NT5DC4: variants seen among roughly 807,000 people sequenced by gnomAD.
NT5DC4 encodes 5'-nucleotidase domain containing 4, also known as 5'-nucleotidase domain-containing protein 4.
In NT5DC4, 44 loss-of-function variants were observed where a neutral mutation model predicts 26.6. That is an observed-to-expected ratio of 1.65 (90% CI 1.30 to 2.13). NT5DC4 has a LOEUF of 2.13. Ranked by LOEUF, NT5DC4 falls within the 30% of genes most tolerant of loss-of-function variation. NT5DC4 has a pLI of 0.00. For missense variants in NT5DC4, 399 were observed against 228.1 expected (o/e 1.75, Z -4.83); for synonymous variants, 157 against 86.7 (o/e 1.81, Z -4.51).
chr2:112,726,815 C>T (rs932369974), intron 15 of NT5DC4, 77 bp downstream of exon 15: 29 of 714,460 alleles, frequency 4.1e-5, no homozygotes, highest in Admixed American at 6.0e-5. Flanking sequence ...GCTTGCCTGT[C>T]GGCTTTGTCC....
upstream of NT5DC4, among the ~76,000 whole-genome samples, chr2:112,719,900 TTCTTTTTC>T (rs1227078217): frequency 2.0e-4 from 22 of 108,848 alleles, 1 homozygote; most frequent in Non-Finnish European, 2.8e-4. Flanking sequence ...CTTTCTTTCT[TTCTTTTTC>T]TTTCTTTCTT....
intron 16 of NT5DC4, among the ~76,000 whole-genome samples, chr2:112,735,150 TCTCCTG>T (rs1678963907): frequency 6.9e-6 from 1 of 144,272 alleles, no homozygotes; most frequent in Non-Finnish European, 1.5e-5. Context: ...TTCAAGCAGT[TCTCCTG>T]CCTCAGCCTC....
chr2:112,741,150 AGT>A (rs1411698315), downstream of NT5DC4: 2 of 655,750 alleles, frequency 3.0e-6, no homozygotes, highest in African/African-American at 1.8e-5. Flanking sequence ...ATTGATTTGA[AGT>A]GTGACTTATA....
chr2:112,725,550 A>G lies in NT5DC4; in HGVS notation c.1151A>G (p.Lys384Arg). The change falls in exon 13 of 17, where the codon AAG (lysine) becomes AGG (arginine). Residue 384 changes from lysine (K) to arginine (R), a missense_variant and splice_region_variant. Lys to Arg is a conservative substitution (Grantham distance 26). Transcript: ENST00000688554. ...SWELDIWAQE[K>R]ERLEELKRLD... ...GAGCTGGACATCTGGGCCCAGGAGA[A>G]GGGTGAGCTGTTGGGGTCTGGAACA... The G allele has an allele frequency of 1.4e-6, 1 of 705,024 alleles. No homozygotes were observed. The highest frequency in any genetic ancestry group is 2.7e-6 in the Non-Finnish European group (1 of 376,120). The allele number at this position is 705,024 out of a possible 1,614,324, so 43.7% of individuals were successfully genotyped here. A position where few individuals can be genotyped will look rare whatever the true frequency, so the allele number is the denominator to read the frequency against.
intron 16 of NT5DC4, chr2:112,738,683 A>G: frequency 1.6e-6 from 1 of 628,282 alleles, no homozygotes; most frequent in South Asian, 2.0e-5. Flanking sequence ...TTTGAGAGTA[A>G]GCCCAGTGAA....
chr2:112,726,097 G>T (rs1036748110), intron 13 of NT5DC4, 141 bp from the exon 14 acceptor site: 1 of 652,496 alleles, frequency 1.5e-6, no homozygotes, highest in Admixed American at 2.3e-5. Flanking sequence ...AGAGTCTCAC[G>T]TGATGTAAGG....
At chr2:112,742,263 A>G (rs1404026673), downstream of NT5DC4, 3 of 650,638 alleles carry the variant, frequency 4.6e-6, no homozygotes, top group Non-Finnish European at 8.5e-6. Context: ...AGTCTTCTAA[A>G]GGTTATGACC....
rs144087783 is a variant in NT5DC4 at position 112,735,869 on chromosome 2, C to G, written c.1345-3044C>G. ...TTTTGAAACTTATAATTATTAGACA[C>G]CAATAGTTCAACCTACACTGTTATT... On this transcript the variant is annotated intron_variant, in intron 16 of 16. Transcript: ENST00000688554. Among the ~76,000 whole-genome samples, 293 of 152,224 alleles carry G rather than the reference C, an allele frequency of 1.9e-3. 2 individuals carry two copies. The highest frequency in any genetic ancestry group is 6.8e-3 in the African/African-American group (281 of 41,526).
At chr2:112,719,928 T>TTC (rs1287713879), upstream of NT5DC4, among the ~76,000 whole-genome samples, 55 of 21,078 alleles carry the variant, frequency 2.6e-3, no homozygotes, top group Non-Finnish European at 3.6e-3. Flanking sequence ...TTCTTTCTCT[T>TTC]TCTTTCTTTC....
chr2:112,724,883 A>G lies in NT5DC4; in HGVS notation c.892A>G (p.Asn298Asp), dbSNP rs1316529619. The G allele has an allele frequency of 2.9e-5, 21 of 717,034 alleles. No homozygotes were observed. The highest frequency in any genetic ancestry group is 4.9e-5 in the Non-Finnish European group (19 of 385,034). The allele number at this position is 717,034 out of a possible 1,614,324, so 44.4% of individuals were successfully genotyped here. ...AGAGGGGTTGGTCCTGAGGCAGGTC[A>G]ACACGGTAATGGCAGGTGCAGAGGT... Reference protein sequence around the residue: ...FAEGLVLRQVNTVMAGAEDSG... With the variant: ...FAEGLVLRQVDTVMAGAEDSG... The change falls in exon 11 of 17, where the codon AAC becomes GAC. Residue 298 changes from asparagine to aspartate, a missense_variant. Physicochemically the swap from Asn to Asp is conservative, Grantham distance 23. Transcript: ENST00000688554.
intron 6 of NT5DC4, 131 bp from the exon 7 acceptor site, chr2:112,722,950 A>G: frequency 2.8e-6 from 1 of 354,214 alleles, no homozygotes; most frequent in East Asian, 3.4e-5. Flanking sequence ...TGCCCCTCCC[A>G]GGATGTCTGG....
intron 16 of NT5DC4, among the ~76,000 whole-genome samples, chr2:112,732,200 C>T (rs1678575407): frequency 7.4e-6 from 1 of 134,764 alleles, no homozygotes; most frequent in Non-Finnish European, 1.6e-5. Context: ...CGAGAGCCAC[C>T]GAGCCTGGCA....
At chr2:112,729,181 G>A (rs1348979826) in intron 15 of NT5DC4, among the ~76,000 whole-genome samples, 1 of 152,076 alleles carries the variant, frequency 6.6e-6, no homozygotes, top group Non-Finnish European at 1.5e-5. Flanking sequence ...GGAGTGCAGT[G>A]GTGCAATCTC....
chr2:112,719,926 C>CTTTCTT (rs1558714760), upstream of NT5DC4, among the ~76,000 whole-genome samples: 4 of 16,916 alleles, frequency 2.4e-4, no homozygotes, highest in Non-Finnish European at 1.5e-4. Flanking sequence ...CTTTCTTTCT[C>CTTTCTT]TTTCTTTCTT....
intron 1 of NT5DC4, chr2:112,721,560 G>C (rs1351218107): frequency 1.5e-5 from 11 of 717,664 alleles, no homozygotes; most frequent in Non-Finnish European, 2.9e-5. Context: ...GGGACAGCAA[G>C]CGGCTGATTG....
At chr2:112,731,985 C>T (rs11694570) in intron 16 of NT5DC4, among the ~76,000 whole-genome samples, 7 of 147,600 alleles carry the variant, frequency 4.7e-5, no homozygotes, top group African/African-American at 1.8e-4. Context: ...TGCAGTGGCA[C>T]GATCTCGGCT....
At chr2:112,738,482 A>C (rs963863091) in intron 16 of NT5DC4, 6 of 228,174 alleles carry the variant, frequency 2.6e-5, no homozygotes, top group Non-Finnish European at 5.2e-5. Flanking sequence ...CAGAAAGAAA[A>C]GTCCCATTAT....
At chr2:112,720,072 A>C (rs1676754441), upstream of NT5DC4, among the ~76,000 whole-genome samples, 2 of 126,406 alleles carry the variant, frequency 1.6e-5, no homozygotes, top group South Asian at 2.5e-4. Flanking sequence ...TATTGACAGG[A>C]TCTCACTCTG....
At chr2:112,730,139 C>A (rs1442000079) in intron 16 of NT5DC4, among the ~76,000 whole-genome samples, 1 of 151,880 alleles carries the variant, frequency 6.6e-6, no homozygotes, top group Non-Finnish European at 1.5e-5. Context: ...ATGGTGAAAA[C>A]CCGTCTCTAT....
Sources: allele counts gnomAD v4.1 joint callset (sites outside exome capture counted in the v4.1 genomes callset), GRCh38; gene constraint gnomAD v4.1.1; transcripts MANE v1.5; gene names NCBI Gene and HGNC (gene_info 2026-07-23, HGNC 2026-07-21).